Variants in RGS12 observed in about 807,000 individuals in gnomAD.
RGS12 encodes regulator of G-protein signaling 12.
Under a neutral mutation model 120.1 loss-of-function variants are expected in RGS12, and 66 were observed. The ratio of observed to expected loss-of-function variants is 0.55; its 90% confidence interval spans 0.45 to 0.67. The LOEUF is 0.67. Among genes scored for constraint, RGS12 ranks in the 30% least tolerant of loss-of-function variants. The probability of loss-of-function intolerance (pLI) is 0.00; values close to 1 mark genes in which losing one functional copy is unlikely to be tolerated. For synonymous variants in RGS12, 827 were observed against 804.7 expected, an observed-to-expected ratio of 1.03 and a Z score of -0.47; for missense variants, 1,859 against 1,957.7, an observed-to-expected ratio of 0.95 and a Z score of 0.95.
chr4:3,334,404 A>G (rs1409350740), intron 2 of RGS12, among the ~76,000 whole-genome samples: 2 of 152,218 alleles, frequency 1.3e-5, no homozygotes, highest in East Asian at 1.9e-4. Context: ...ATCATTTTTT[A>G]TACACTGATG....
At chr4:3,305,911 C>T (rs3135146) in intron 1 of RGS12, among the ~76,000 whole-genome samples, 1 of 152,248 alleles carries the variant, frequency 6.6e-6, no homozygotes, top group Non-Finnish European at 1.5e-5. Context: ...ATAGGATTTC[C>T]GGGTCCAGCA....
At chr4:3,417,641 G>T (rs772640636) in intron 9 of RGS12, 100 bp downstream of exon 9, 5 of 1,264,426 alleles carry the variant, frequency 4.0e-6, no homozygotes, top group East Asian at 4.8e-5. Flanking sequence ...GGCCATGTGT[G>T]CAGTGAGAGG....
At chr4:3,434,629 C>A (rs555828546) in intron 17 of RGS12, among the ~76,000 whole-genome samples, 1 of 152,204 alleles carries the variant, frequency 6.6e-6, no homozygotes, top group South Asian at 2.1e-4. Flanking sequence ...CAGAAGCAGA[C>A]GTCTGCGCTT....
At chr4:3,413,929 T>A in intron 4 of RGS12, 143 bp from the exon 5 acceptor site, 1 of 763,574 alleles carries the variant, frequency 1.3e-6, no homozygotes, top group Non-Finnish European at 2.1e-6. Context: ...GTGGTAGGTG[T>A]GCTGTGCATA....
the RGS12 span, among the ~76,000 whole-genome samples, chr4:3,287,779 G>A: frequency 6.6e-6 from 1 of 152,254 alleles, no homozygotes; most frequent in Admixed American, 6.5e-5. Context: ...CACGGGCACA[G>A]GAGGCTGCCC....
At chr4:3,402,915 T>G (rs550996362) in intron 4 of RGS12, among the ~76,000 whole-genome samples, 51 of 152,346 alleles carry the variant, frequency 3.3e-4, no homozygotes, top group Middle Eastern at 3.4e-3. Context: ...TGTCTTTTCT[T>G]GGAGCATCCT....
chr4:3,403,973 G>C (rs538724734), intron 4 of RGS12, among the ~76,000 whole-genome samples: 1 of 152,222 alleles, frequency 6.6e-6, no homozygotes, highest in South Asian at 2.1e-4. Flanking sequence ...GGAGTAAGGA[G>C]GGGGCTATGG....
At position 3,422,512 on chromosome 4, in the gene RGS12, G is replaced by C. The variant is rs1484533491; in HGVS notation, c.2975G>C (p.Cys992Ser). ...FSIKDILSGL[C>S]ERHGINGAAA... ...ATCAAAGACATCCTGTCCGGACTCT[G>C]TGAGCGGCATGGCATCAACGGGGCG... Residue 992 changes from cysteine to serine, a missense_variant, in exon 11 of 18, where the codon TGT becomes TCT. Physicochemically the swap from Cys to Ser is moderately radical, Grantham distance 112. Transcript: ENST00000336727. 1.2e-6 allele frequency: 2 copies of C among 1,612,808 alleles called. No homozygotes were observed. The highest frequency in any genetic ancestry group is 3.3e-5 in the Admixed American group (2 of 60,014).
Position 3,391,355 on chromosome 4 carries a change from T to C in RGS12, c.2020+4918T>C, listed in dbSNP as rs181068096. Among the ~76,000 whole-genome samples the C allele has an allele frequency of 6.6e-4, 100 of 152,386 alleles. 1 individual carries two copies. Among genetic ancestry groups the C allele is most frequent in the African/African-American group, 2.4e-3 (98 of 41,598 alleles). ...AATTCTACAAGATATTTGGAGAGTTTTTATTACTAGTTTTTAATATTGTGA... is the reference window on the plus strand; with the variant it reads ...AATTCTACAAGATATTTGGAGAGTTCTTATTACTAGTTTTTAATATTGTGA... On this transcript the variant is annotated intron_variant, in intron 4 of 17. Transcript: ENST00000336727.
At chr4:3,397,657 G>A (rs138315803) in intron 4 of RGS12, among the ~76,000 whole-genome samples, 27 of 152,318 alleles carry the variant, frequency 1.8e-4, no homozygotes, top group Non-Finnish European at 3.4e-4. Context: ...TTCTGCTTTG[G>A]ACATGGGATT....
At chr4:3,353,348 G>GTTAC (rs1423593638) in intron 3 of RGS12, among the ~76,000 whole-genome samples, 1 of 152,180 alleles carries the variant, frequency 6.6e-6, no homozygotes, top group African/African-American at 2.4e-5. Flanking sequence ...CTGGGGGGAT[G>GTTAC]TTACTGTACT....
intron 13 of RGS12, among the ~76,000 whole-genome samples, chr4:3,424,898 C>A (rs1315682112): frequency 6.6e-6 from 1 of 152,240 alleles, no homozygotes; most frequent in Non-Finnish European, 1.5e-5. Flanking sequence ...GCCTCTCCCG[C>A]CTGGCATTGG....
At chr4:3,417,718 C>T (rs1240462228) in intron 9 of RGS12, 177 bp downstream of exon 9, 16 of 649,936 alleles carry the variant, frequency 2.5e-5, no homozygotes, top group Non-Finnish European at 4.1e-5. Flanking sequence ...GGGGACACGA[C>T]CTGTCAGCCA....
intron 2 of RGS12, among the ~76,000 whole-genome samples, chr4:3,338,837 T>TAGTA (rs959357446): frequency 6.6e-6 from 1 of 152,202 alleles, no homozygotes; most frequent in Non-Finnish European, 1.5e-5. Context: ...TTTCCCTGTT[T>TAGTA]AGTACTCTTT....
intron 2 of RGS12, among the ~76,000 whole-genome samples, chr4:3,340,130 G>C (rs1327987958): frequency 6.6e-6 from 1 of 152,266 alleles, no homozygotes; most frequent in Non-Finnish European, 1.5e-5. Flanking sequence ...TGGGCAGTCA[G>C]TCCCCCGTGT....
intron 3 of RGS12, among the ~76,000 whole-genome samples, chr4:3,363,480 G>T (rs561260180): frequency 1.3e-5 from 2 of 151,522 alleles, no homozygotes; most frequent in Admixed American, 1.3e-4. Context: ...GTAAGGAGCC[G>T]CGGGGCCTGA....
chr4:3,367,632 G>A (rs1027108986), intron 3 of RGS12, among the ~76,000 whole-genome samples: 4 of 152,250 alleles, frequency 2.6e-5, no homozygotes, highest in Admixed American at 6.5e-5. Flanking sequence ...GCTCATCCCC[G>A]TCTCCCCAGG....
At chr4:3,287,668 A>T in the RGS12 span, among the ~76,000 whole-genome samples, 1 of 152,270 alleles carries the variant, frequency 6.6e-6, no homozygotes, top group East Asian at 1.9e-4. Context: ...AGCTCTACTT[A>T]GTAACAATAT....
chr4:3,318,279 T>C (rs1724944346), intron 2 of RGS12, among the ~76,000 whole-genome samples: 1 of 152,206 alleles, frequency 6.6e-6, no homozygotes, highest in African/African-American at 2.4e-5. Flanking sequence ...GTTCTGGCTC[T>C]GATGGCTGGT....
Sources: gnomAD v4.1 joint callset for allele counts (sites outside exome capture counted in the v4.1 genomes callset) on GRCh38, gnomAD v4.1.1 for gene constraint, MANE v1.5 for transcripts, NCBI Gene and HGNC (gene_info 2026-07-23, HGNC 2026-07-21) for gene names.